The following TCF4 variants were observed in gnomAD, a reference collection of about 807,000 sequenced individuals.
The protein encoded by TCF4 is SL3-3 enhancer factor 2.
In TCF4, 3 loss-of-function variants were observed where a neutral mutation model predicts 82.1. That is an observed-to-expected ratio of 0.04 (90% confidence interval 0.02 to 0.09). The LOEUF (loss-of-function observed/expected upper bound fraction) is 0.09. Ranked by LOEUF, TCF4 falls within the 10% of genes least tolerant of loss-of-function variation. TCF4 has a pLI of 1.00. For missense variants in TCF4, 518 were observed against 852.7 expected (o/e 0.61, Z 4.89); for synonymous variants, 276 against 309.6 (o/e 0.89, Z 1.14).
Position 55,228,300 on chromosome 18 carries a change from T to C in TCF4, c.1941A>G (p.Ser647=), listed in dbSNP as rs8766. 608,934 of 1,613,772 alleles carry C rather than the reference T, an allele frequency of 0.38. 115,798 individuals are homozygous for C. The highest frequency in any genetic ancestry group is 0.41 in the East Asian group (18,263 of 44,846). Residue 647 remains serine (S), a synonymous_variant, in exon 19 of 20, where the codon TCA becomes TCG. Transcript: ENST00000354452. ...CGGCCAAGGAGAGAGGGGGAGGCTCTGAGGACACCTTCTCTTCCTCCCTTC... is the reference window on the plus strand; with the variant it reads ...CGGCCAAGGAGAGAGGGGGAGGCTCCGAGGACACCTTCTCTTCCTCCCTTC... The part of the protein sequence containing the change: ...LKRREEEKVS[S]EPPPLSLAGP...
chr18:55,513,149 G>C (rs923271047), intron 3 of TCF4, among the ~76,000 whole-genome samples: 1 of 152,120 alleles, frequency 6.6e-6, no homozygotes. Context: ...GCATGAAGAC[G>C]ATAAAACAGC....
At chr18:55,466,211 CT>C (rs1367524520) in intron 3 of TCF4, among the ~76,000 whole-genome samples, 13 of 152,158 alleles carry the variant, frequency 8.5e-5, no homozygotes, top group Admixed American at 8.5e-4. Context: ...AAGAAATACC[CT>C]GTGCAGGGCA....
At chr18:55,533,810 T>C (rs1163590121) in intron 3 of TCF4, among the ~76,000 whole-genome samples, 5 of 152,204 alleles carry the variant, frequency 3.3e-5, no homozygotes, top group South Asian at 4.1e-4. Flanking sequence ...ACCATGTTTC[T>C]GTGTTCTTCT....
intron 8 of TCF4, among the ~76,000 whole-genome samples, chr18:55,285,099 T>C (rs914978415): frequency 6.6e-6 from 1 of 152,208 alleles, no homozygotes; most frequent in Non-Finnish European, 1.5e-5. Flanking sequence ...ATGGACCCTG[T>C]AACTGTCCTA....
Position 55,228,275 on chromosome 18 carries a change from C to T in TCF4, c.1966G>A (p.Gly656Ser), listed in dbSNP as rs1317504677. 16 of 1,613,970 alleles carry T rather than the reference C, an allele frequency of 9.9e-6. No homozygotes were observed. The highest frequency in any genetic ancestry group is 1.4e-5 in the Non-Finnish European group (16 of 1,180,004). ...SSEPPPLSLA[G>S]PHPGMGDASN... ...GCGTCTCCCATTCCAGGGTGTGGGCCGGCCAAGGAGAGAGGGGGAGGCTCT... is the reference window on the plus strand; with the variant it reads ...GCGTCTCCCATTCCAGGGTGTGGGCTGGCCAAGGAGAGAGGGGGAGGCTCT... The change falls in exon 19 of 20, where the codon GGC becomes AGC. Residue 656 changes from glycine (G) to serine (S), a missense_variant. By Grantham distance (56) the Gly-to-Ser change is moderately conservative (BLOSUM62 0). Around this residue, in one of 7 missense-constraint regions of TCF4, gnomAD observed 40 missense variants for 41.5 expected, o/e 0.96. Coordinates refer to ENST00000354452, the MANE Select transcript of TCF4 (RefSeq NM_001083962.2).
chr18:55,593,034 A>G (rs2097687276), upstream of TCF4, among the ~76,000 whole-genome samples: 1 of 152,194 alleles, frequency 6.6e-6, no homozygotes. Context: ...CTTAATACAA[A>G]AAAGATTATT....
At chr18:55,364,691 AG>A (rs568054594) in intron 6 of TCF4, among the ~76,000 whole-genome samples, 136 of 152,314 alleles carry the variant, frequency 8.9e-4, no homozygotes, top group African/African-American at 3.2e-3. Context: ...GAAAGCTGCC[AG>A]GGGAGTCTAT....
chr18:55,359,622 CCA>C (rs886959712), intron 6 of TCF4, among the ~76,000 whole-genome samples: 1 of 152,174 alleles, frequency 6.6e-6, no homozygotes, highest in African/African-American at 2.4e-5. Context: ...CCATCTCTAC[CCA>C]GTAGACACGT....
In TCF4 at chr18:55,516,489, T is replaced by C. The variant is rs191262988; in HGVS notation, c.146-52352A>G. 5.3e-5 allele frequency among the ~76,000 whole-genome samples: 8 copies of C among 152,208 alleles called. No individual in the cohort carries two copies. The East Asian group carries it at 1.5e-3, about 29-fold the overall frequency. On this transcript the variant is annotated intron_variant, in intron 3 of 19. Transcript: ENST00000354452. ...GAACGAGAGAAAGGCAGTCTGATTA[T>C]GCAACTGTAGAAGGTTAGCCTCTTG...
intron 5 of TCF4, among the ~76,000 whole-genome samples, chr18:55,411,876 G>A (rs995397828): frequency 2.0e-5 from 3 of 152,124 alleles, no homozygotes; most frequent in African/African-American, 7.2e-5. Context: ...GAGTAGCTGG[G>A]ATTACACGCA....
rs2046280118 is a variant in TCF4 at position 55,224,110 on chromosome 18, GACAA to G, written c.*3921_*3924del. On this transcript the variant is annotated 3_prime_UTR_variant, in exon 20 of 20. Coordinates refer to ENST00000354452, the MANE Select transcript of TCF4 (RefSeq NM_001083962.2). ...TCTATTTTATAGCAAAAGAGCACTA[GACAA>G]ACAAAGCTTTATAACAAAAAGCCAG... 1 of 148,054 alleles carries G rather than the reference GACAA, an allele frequency of 6.8e-6. No homozygotes were observed. The allele number at this position is 148,054 out of a possible 1,614,324, so 9.2% of individuals were successfully genotyped here.
At chr18:55,252,444 C>T (rs147195686) in intron 15 of TCF4, among the ~76,000 whole-genome samples, 5 of 151,596 alleles carry the variant, frequency 3.3e-5, no homozygotes, top group Admixed American at 6.6e-5. Flanking sequence ...TTTTTTCTAC[C>T]GTTCTATTCA....
At chr18:55,382,135 A>G (rs2092010092) in intron 6 of TCF4, among the ~76,000 whole-genome samples, 1 of 152,180 alleles carries the variant, frequency 6.6e-6, no homozygotes, top group South Asian at 2.1e-4. Flanking sequence ...TATTCCTTCT[A>G]TATTGGGATA....
At chr18:55,444,067 C>T (rs1443774073) in intron 5 of TCF4, among the ~76,000 whole-genome samples, 1 of 152,166 alleles carries the variant, frequency 6.6e-6, no homozygotes, top group African/African-American at 2.4e-5. Context: ...AAGCATCACA[C>T]CATCTCACTT....
intron 5 of TCF4, among the ~76,000 whole-genome samples, chr18:55,428,599 C>T (rs969885429): frequency 3.9e-5 from 6 of 152,188 alleles, no homozygotes; most frequent in Admixed American, 1.3e-4. Context: ...AATGAGGTTA[C>T]ATTTGTTAAG....
At chr18:55,510,830 G>T (rs67387556) in intron 3 of TCF4, 56 of 1,070,520 alleles carry the variant, frequency 5.2e-5, no homozygotes, top group Middle Eastern at 3.7e-4. Flanking sequence ...AATGATACTG[G>T]CTGTGTGTTT....
intron 6 of TCF4, chr18:55,402,332 C>T: frequency 3.6e-6 from 2 of 561,082 alleles, no homozygotes; most frequent in Non-Finnish European, 4.5e-6. Flanking sequence ...GGAAACTTTC[C>T]TCATAGGCTC....
chr18:55,351,246 T>C, intron 6 of TCF4: 1 of 460,304 alleles, frequency 2.2e-6, no homozygotes, highest in Non-Finnish European at 3.9e-6. Context: ...AATATTTTTT[T>C]AAGTCTTTTA....
At chr18:55,232,292 T>C in intron 17 of TCF4, 1 of 541,594 alleles carries the variant, frequency 1.8e-6, no homozygotes, top group Non-Finnish European at 3.3e-6. Context: ...GTCATTAGCA[T>C]TGGGTCCAGA....
Sources: allele counts gnomAD v4.1 joint callset (sites outside exome capture counted in the v4.1 genomes callset), GRCh38; gene constraint gnomAD v4.1.1; regional missense constraint gnomAD v4.1.1; transcripts MANE v1.5; gene names NCBI Gene and HGNC (gene_info 2026-07-23, HGNC 2026-07-21).